YAP1: variants seen among roughly 807,000 people sequenced by gnomAD.
YAP1 encodes the protein transcriptional coactivator YAP1.
A neutral mutation model predicts 56.9 loss-of-function variants in YAP1; 5 were observed. That is an observed-to-expected ratio of 0.09 (90% CI 0.05 to 0.18). The LOEUF is 0.18. YAP1 is among the 10% of genes least tolerant of loss of function. The probability of loss-of-function intolerance (pLI) is 1.00; values close to 1 mark genes in which losing one functional copy is unlikely to be tolerated. For missense variants in YAP1, 539 were observed against 651.8 expected (o/e 0.83, Z 1.88); for synonymous variants, 265 against 248.1 (o/e 1.07, Z -0.64).
intron 2 of YAP1, among the ~76,000 whole-genome samples, chr11:102,157,931 A>T (rs575975610): frequency 2.6e-5 from 4 of 152,338 alleles, no homozygotes; most frequent in East Asian, 1.9e-4. Context: ...CTGCATTTTT[A>T]AAAAAGTTTC....
intron 2 of YAP1, among the ~76,000 whole-genome samples, chr11:102,119,087 G>T (rs1943490197): frequency 6.6e-6 from 1 of 151,636 alleles, no homozygotes; most frequent in South Asian, 2.1e-4. Flanking sequence ...TGTTTGTCTT[G>T]CTATTGAGGC....
intron 7 of YAP1, among the ~76,000 whole-genome samples, chr11:102,225,697 C>T (rs1018863759): frequency 3.3e-5 from 5 of 152,150 alleles, no homozygotes; most frequent in Admixed American, 2.0e-4. Flanking sequence ...TTACCCTTTA[C>T]TTCTAAGCTC....
intron 6 of YAP1, among the ~76,000 whole-genome samples, chr11:102,212,268 T>C (rs7110355): frequency 0.44 from 67,543 of 152,024 alleles, 15,266 homozygotes; most frequent in East Asian, 0.58. Flanking sequence ...GGAAAGCCAC[T>C]AAACTTCAAA....
At chr11:102,211,322 T>C (rs998243725) in intron 6 of YAP1, among the ~76,000 whole-genome samples, 3 of 152,202 alleles carry the variant, frequency 2.0e-5, no homozygotes, top group Non-Finnish European at 4.4e-5. Context: ...TTTTTTAAAA[T>C]AGTAAAGTTT....
intron 2 of YAP1, among the ~76,000 whole-genome samples, chr11:102,152,448 G>T (rs948088511): frequency 6.6e-6 from 1 of 152,202 alleles, no homozygotes; most frequent in Non-Finnish European, 1.5e-5. Context: ...GATTTGAGAG[G>T]TAAGTCTGGG....
At chr11:102,191,348 A>G (rs1948270493) in intron 4 of YAP1, among the ~76,000 whole-genome samples, 1 of 150,312 alleles carries the variant, frequency 6.7e-6, no homozygotes, top group Admixed American at 6.6e-5. Flanking sequence ...GATTCCTCGG[A>G]CCACCAACAC....
chr11:102,113,971 A>G (rs1229733127), intron 1 of YAP1, among the ~76,000 whole-genome samples, 173 bp from the exon 2 acceptor site: 5 of 152,114 alleles, frequency 3.3e-5, no homozygotes, highest in African/African-American at 1.2e-4. Context: ...AAAATTATAT[A>G]ATATTAAAAG....
intron 2 of YAP1, among the ~76,000 whole-genome samples, chr11:102,146,143 G>GC (rs1418562500): frequency 6.6e-6 from 1 of 152,052 alleles, no homozygotes; most frequent in Admixed American, 6.6e-5. Context: ...CCATAGCCTG[G>GC]CCCCATATCA....
At chr11:102,183,702 C>CTGTGTGTGTG (rs140546191) in intron 3 of YAP1, among the ~76,000 whole-genome samples, 6,419 of 141,712 alleles carry the variant, frequency 0.045, 189 homozygotes, top group East Asian at 0.13. Context: ...AATGCTGTTT[C>CTGTGTGTGTG]TGTGTGTGTG....
At chr11:102,216,004 G>A (rs1435551290) in intron 6 of YAP1, among the ~76,000 whole-genome samples, 4 of 152,176 alleles carry the variant, frequency 2.6e-5, no homozygotes, top group Admixed American at 6.5e-5. Context: ...ATACAAGCGC[G>A]CGTGCTAGCG....
intron 3 of YAP1, among the ~76,000 whole-genome samples, chr11:102,173,267 A>G (rs1267060889): frequency 2.0e-5 from 3 of 152,200 alleles, no homozygotes; most frequent in Non-Finnish European, 4.4e-5. Context: ...ATGATGAGCA[A>G]TGAGACTGAA....
intron 4 of YAP1, among the ~76,000 whole-genome samples, chr11:102,196,643 T>G (rs1018594296): frequency 6.7e-6 from 1 of 150,344 alleles, no homozygotes; most frequent in African/African-American, 2.4e-5. Context: ...TTTTTTTTTT[T>G]GAAGTGATGA....
chr11:102,223,810 C>T, intron 7 of YAP1, 58 bp downstream of exon 7: 1 of 1,600,096 alleles, frequency 6.2e-7, no homozygotes, highest in South Asian at 1.1e-5. Flanking sequence ...TAAAATCATT[C>T]TGCTTAGTGC....
At chr11:102,132,126 TAAAAAA>T (rs981831452) in intron 2 of YAP1, among the ~76,000 whole-genome samples, 1 of 149,578 alleles carries the variant, frequency 6.7e-6, no homozygotes. Context: ...TCAAAAAAAA[TAAAAAA>T]AAAGAGTGAT....
Position 102,147,564 on chromosome 11 carries a change from GT to G in YAP1, c.573-14890del, listed in dbSNP as rs1416036664. Among the ~76,000 whole-genome samples, 4 of 152,254 alleles carry G rather than the reference GT, an allele frequency of 2.6e-5. No individual in the cohort carries two copies. In the East Asian group the frequency reaches 7.7e-4, roughly 29 times the overall value. Reference sequence around the variant, plus strand: ...CCCTATTTACAGATGAGGAAAAGAAGTTCAAAGATGAAATAATATGACCAAC... The same window carrying G: ...CCCTATTTACAGATGAGGAAAAGAAGTCAAAGATGAAATAATATGACCAAC... On this transcript the variant is annotated intron_variant, in intron 2 of 8. Transcript: ENST00000282441.
Position 102,158,502 on chromosome 11 carries a change from G to A in YAP1, c.573-3954G>A, listed in dbSNP as rs576569401. Reference sequence around the variant, plus strand: ...TATAGATTCTTCATCAGTGGGTTGGGTGGAGCCTGAGTTTCTGCAGTTTTA... The same window carrying A: ...TATAGATTCTTCATCAGTGGGTTGGATGGAGCCTGAGTTTCTGCAGTTTTA... On this transcript the variant is annotated intron_variant, in intron 2 of 8. Transcript: ENST00000282441. Among the ~76,000 whole-genome samples the A allele has an allele frequency of 3.3e-5, 5 of 152,276 alleles. No individual in the cohort carries two copies. In the South Asian group the frequency reaches 8.3e-4, roughly 25 times the overall value.
chr11:102,166,844 T>C (rs1248318793), intron 3 of YAP1, among the ~76,000 whole-genome samples: 1 of 152,214 alleles, frequency 6.6e-6, no homozygotes, highest in East Asian at 1.9e-4. Flanking sequence ...TGCTCTGAGA[T>C]CTTGTTCCTC....
intron 3 of YAP1, among the ~76,000 whole-genome samples, chr11:102,180,089 A>C (rs182497778): frequency 2.0e-4 from 29 of 147,780 alleles, no homozygotes; most frequent in African/African-American, 6.8e-4. Context: ...GGCTCACTGC[A>C]ACCTCCAACT....
At chr11:102,211,113 G>A (rs1267218949) in intron 6 of YAP1, among the ~76,000 whole-genome samples, 1 of 152,132 alleles carries the variant, frequency 6.6e-6, no homozygotes, top group Non-Finnish European at 1.5e-5. Flanking sequence ...ACTAATATAG[G>A]AGCAGAAATT....
Sources: gnomAD v4.1 joint callset for allele counts (sites outside exome capture counted in the v4.1 genomes callset) on GRCh38, gnomAD v4.1.1 for gene constraint, MANE v1.5 for transcripts, NCBI Gene and HGNC (gene_info 2026-07-23, HGNC 2026-07-21) for gene names.